Variants in PRKACB observed in about 807,000 individuals in gnomAD.
The protein encoded by PRKACB is cAMP-dependent protein kinase catalytic subunit beta.
A neutral mutation model predicts 51.4 loss-of-function variants in PRKACB; 16 were observed. That is an observed-to-expected ratio of 0.31 (90% CI 0.21 to 0.47). The LOEUF (loss-of-function observed/expected upper bound fraction) is 0.47. Among genes scored for constraint, PRKACB ranks in the 20% least tolerant of loss-of-function variants. PRKACB has a pLI of 1.00. For missense variants in PRKACB, 309 were observed against 464.5 expected (o/e 0.67, Z 3.08); for synonymous variants, 147 against 154.4 (o/e 0.95, Z 0.35).
At chr1:84,176,180 A>C (rs1661198766) in intron 1 of PRKACB, among the ~76,000 whole-genome samples, 1 of 151,876 alleles carries the variant, frequency 6.6e-6, no homozygotes, top group Non-Finnish European at 1.5e-5. Context: ...GAACACAATA[A>C]GTAAACTAAA....
intron 1 of PRKACB, among the ~76,000 whole-genome samples, chr1:84,129,060 G>A (rs1462196914): frequency 6.6e-6 from 1 of 152,160 alleles, no homozygotes; most frequent in Non-Finnish European, 1.5e-5. Context: ...AGAAAAATTA[G>A]AGAATACTTA....
chr1:84,115,129 CA>C (rs1650530476), intron 1 of PRKACB, among the ~76,000 whole-genome samples: 1 of 151,674 alleles, frequency 6.6e-6, no homozygotes, highest in African/African-American at 2.4e-5. Context: ...TCCATAGTGG[CA>C]GTACTAATTT....
At chr1:84,130,748 A>G (rs996608621) in intron 1 of PRKACB, among the ~76,000 whole-genome samples, 1 of 152,244 alleles carries the variant, frequency 6.6e-6, no homozygotes, top group Non-Finnish European at 1.5e-5. Flanking sequence ...TAATTCATCA[A>G]CAGCAATGCT....
chr1:84,094,233 T>C (rs1648751551), intron 1 of PRKACB, among the ~76,000 whole-genome samples: 1 of 152,008 alleles, frequency 6.6e-6, no homozygotes, highest in Non-Finnish European at 1.5e-5. Context: ...TATCCTGTTA[T>C]CTGTTTAAGG....
chr1:84,091,666 G>A (rs1648480426), intron 1 of PRKACB, among the ~76,000 whole-genome samples: 1 of 151,922 alleles, frequency 6.6e-6, no homozygotes, highest in Admixed American at 6.6e-5. Context: ...CGCCCTGCCT[G>A]GCTAATTTTC....
At chr1:84,125,470 A>G (rs750128171) in intron 1 of PRKACB, among the ~76,000 whole-genome samples, 19 of 152,226 alleles carry the variant, frequency 1.2e-4, no homozygotes, top group Admixed American at 2.0e-4. Context: ...AGCCTTAATT[A>G]CATCCGCAGA....
At chr1:84,205,725 T>C (rs1047110558) in intron 8 of PRKACB, among the ~76,000 whole-genome samples, 15 of 152,114 alleles carry the variant, frequency 9.9e-5, no homozygotes, top group African/African-American at 3.6e-4. Flanking sequence ...ATTACAATAT[T>C]TTAACTCAAG....
At chr1:84,113,043 A>G (rs1353932301) in intron 1 of PRKACB, among the ~76,000 whole-genome samples, 2 of 152,220 alleles carry the variant, frequency 1.3e-5, no homozygotes, top group Non-Finnish European at 2.9e-5. Flanking sequence ...AAACATAGCA[A>G]AGGATATAAA....
intron 2 of PRKACB, among the ~76,000 whole-genome samples, 172 bp downstream of exon 2, chr1:84,179,410 C>A (rs1443828667): frequency 6.6e-6 from 1 of 151,762 alleles, no homozygotes; most frequent in Non-Finnish European, 1.5e-5. Flanking sequence ...AATTAATAAT[C>A]TTAATGTATG....
At chr1:84,086,120 GTGT>G in intron 1 of PRKACB, 1 of 1,551,502 alleles carries the variant, frequency 6.4e-7, no homozygotes, top group Non-Finnish European at 8.9e-7. Flanking sequence ...TGAGTATGAG[GTGT>G]TGGTGGTGCC....
intron 1 of PRKACB, among the ~76,000 whole-genome samples, chr1:84,114,597 C>A (rs1412431604): frequency 6.6e-6 from 1 of 152,210 alleles, no homozygotes; most frequent in South Asian, 2.1e-4. Context: ...TTACCCTATT[C>A]TGCTATCAAA....
intron 9 of PRKACB, among the ~76,000 whole-genome samples, chr1:84,218,077 G>A (rs1050202287): frequency 6.6e-6 from 1 of 152,114 alleles, no homozygotes; most frequent in Non-Finnish European, 1.5e-5. Context: ...TATATGCGTA[G>A]TATGTGTAGT....
intron 1 of PRKACB, among the ~76,000 whole-genome samples, chr1:84,136,608 TG>T (rs1272345581): frequency 6.6e-6 from 1 of 152,138 alleles, no homozygotes; most frequent in African/African-American, 2.4e-5. Flanking sequence ...ACAACCACTT[TG>T]GAAGACAGTT....
At chr1:84,108,513 G>T (rs1207588925) in intron 1 of PRKACB, among the ~76,000 whole-genome samples, 1 of 151,856 alleles carries the variant, frequency 6.6e-6, no homozygotes, top group Non-Finnish European at 1.5e-5. Context: ...AAAAAAGTGA[G>T]TTTTAACAAA....
At chr1:84,177,244 T>G (rs1661608111) in intron 1 of PRKACB, among the ~76,000 whole-genome samples, 1 of 152,138 alleles carries the variant, frequency 6.6e-6, no homozygotes, top group Non-Finnish European at 1.5e-5. Flanking sequence ...TTGTTTTTTC[T>G]TAAATGCCAC....
At position 84,202,944 on chromosome 1, in the gene PRKACB, T is replaced by C. The variant is rs180687563; in HGVS notation, c.906+139T>C. 499 of 778,274 alleles carry C rather than the reference T, an allele frequency of 6.4e-4. 3 individuals are homozygous for C. In the African/African-American group the frequency reaches 8.0e-3, roughly 12 times the overall value. The allele number at this position is 778,274 out of a possible 1,614,324, so 48.2% of individuals were successfully genotyped here. A position where few individuals can be genotyped will look rare whatever the true frequency, so the allele number is the denominator to read the frequency against. The stretch of plus-strand genomic sequence containing the variant: ...AAATCTACAGTTGCTGCTCTTACTA[T>C]CATAAGAATTGAATCATTTCAGTCT... On this transcript the variant is annotated intron_variant, in intron 8 of 9. Coordinates refer to ENST00000370685, the MANE Select transcript of PRKACB (RefSeq NM_182948.4).
chr1:84,089,655 A>G (rs1243626797), intron 1 of PRKACB, among the ~76,000 whole-genome samples: 2 of 152,142 alleles, frequency 1.3e-5, no homozygotes, highest in African/African-American at 4.8e-5. Flanking sequence ...TTAATGACTC[A>G]TCTATCATCA....
At chr1:84,169,816 T>C (rs1237228067) in intron 1 of PRKACB, among the ~76,000 whole-genome samples, 1 of 151,650 alleles carries the variant, frequency 6.6e-6, no homozygotes, top group Non-Finnish European at 1.5e-5. Flanking sequence ...AAATACATCC[T>C]GGTGAGCATT....
At chr1:84,136,313 A>C (rs2100571723) in intron 1 of PRKACB, among the ~76,000 whole-genome samples, 1 of 152,314 alleles carries the variant, frequency 6.6e-6, no homozygotes, top group South Asian at 2.1e-4. Flanking sequence ...TATACAAAAT[A>C]AAAATCAGTT....
Sources: allele counts gnomAD v4.1 joint callset (sites outside exome capture counted in the v4.1 genomes callset), GRCh38; gene constraint gnomAD v4.1.1; transcripts MANE v1.5; gene names NCBI Gene and HGNC (gene_info 2026-07-23, HGNC 2026-07-21).